PDE8B: variants seen among roughly 807,000 people sequenced by gnomAD.
PDE8B encodes high affinity cAMP-specific and IBMX-insensitive 3',5'-cyclic phosphodiesterase 8B.
In PDE8B, 26 loss-of-function variants were observed where a neutral mutation model predicts 101.3. That is an observed-to-expected ratio of 0.26 (90% CI 0.19 to 0.36). PDE8B has a LOEUF of 0.36. PDE8B is among the 10% of genes least tolerant of loss of function. PDE8B has a pLI of 1.00. For synonymous variants in PDE8B, 424 were observed against 429.3 expected (o/e 0.99, Z 0.15); for missense variants, 810 against 1,163.1 (o/e 0.70, Z 4.42).
chr5:77,095,006 T>C, the PDE8B span, among the ~76,000 whole-genome samples: 13 of 151,850 alleles, frequency 8.6e-5, no homozygotes, highest in Middle Eastern at 3.2e-3. Flanking sequence ...CTATATCAAT[T>C]AGAAAAAAAA....
intron 5 of PDE8B, among the ~76,000 whole-genome samples, chr5:77,333,293 T>G (rs138986776): frequency 1.3e-5 from 2 of 152,216 alleles, no homozygotes; most frequent in Non-Finnish European, 2.9e-5. Context: ...GTTTTTGGAA[T>G]GAAGAGTTGC....
At chr5:77,303,770 A>C (rs1215579101) in intron 1 of PDE8B, among the ~76,000 whole-genome samples, 1 of 152,176 alleles carries the variant, frequency 6.6e-6, no homozygotes, top group Non-Finnish European at 1.5e-5. Context: ...TGTAAACTTC[A>C]AGTGGTATCC....
chr5:77,190,245 A>G, the PDE8B span, among the ~76,000 whole-genome samples: 19 of 152,162 alleles, frequency 1.2e-4, no homozygotes, highest in African/African-American at 4.6e-4. Flanking sequence ...CCTTCCAGGG[A>G]GTTCTAAGGC....
chr5:77,097,707 C>CTATATATATATATATA, the PDE8B span, among the ~76,000 whole-genome samples: 13 of 20,858 alleles, frequency 6.2e-4, no homozygotes, highest in East Asian at 2.7e-3. Flanking sequence ...ATATATATAT[C>CTATATATATATATATA]TATATATATA....
chr5:77,414,222 G>C (rs1795084000), intron 17 of PDE8B, among the ~76,000 whole-genome samples: 1 of 152,140 alleles, frequency 6.6e-6, no homozygotes, highest in African/African-American at 2.4e-5. Flanking sequence ...TTTCTTCTCA[G>C]TTTTGCCAAC....
At chr5:77,354,646 T>C (rs945583312) in intron 10 of PDE8B, among the ~76,000 whole-genome samples, 14 of 152,160 alleles carry the variant, frequency 9.2e-5, no homozygotes, top group Non-Finnish European at 2.1e-4. Flanking sequence ...GGATCCACAG[T>C]AGAGGACACA....
At chr5:77,251,824 CT>C (rs1473670116) in intron 1 of PDE8B, among the ~76,000 whole-genome samples, 1 of 152,106 alleles carries the variant, frequency 6.6e-6, no homozygotes, top group African/African-American at 2.4e-5. Context: ...TTGATTATTA[CT>C]TTTTTCAGTT....
intron 20 of PDE8B, among the ~76,000 whole-genome samples, chr5:77,423,446 C>A (rs556478527): frequency 3.3e-5 from 5 of 152,116 alleles, no homozygotes; most frequent in Admixed American, 1.3e-4. Context: ...GAACTGCTTT[C>A]CACAGGGGCT....
At chr5:77,102,966 G>A in the PDE8B span, among the ~76,000 whole-genome samples, 89,499 of 152,072 alleles carry the variant, frequency 0.59, 26,515 homozygotes, top group East Asian at 0.72. Context: ...TCCATGTGAA[G>A]AGGAGTGGTG....
intron 1 of PDE8B, among the ~76,000 whole-genome samples, chr5:77,307,690 T>C (rs1771561075): frequency 6.6e-6 from 1 of 152,160 alleles, no homozygotes; most frequent in African/African-American, 2.4e-5. Flanking sequence ...CACACAAATA[T>C]TTGACACACT....
At chr5:77,164,565 A>G in the PDE8B span, among the ~76,000 whole-genome samples, 26 of 152,232 alleles carry the variant, frequency 1.7e-4, no homozygotes, top group African/African-American at 6.3e-4. Context: ...CTCTTCTCTC[A>G]CCTTATGGGA....
At chr5:77,253,866 T>C (rs1274793649) in intron 1 of PDE8B, among the ~76,000 whole-genome samples, 1 of 152,012 alleles carries the variant, frequency 6.6e-6, no homozygotes, top group Non-Finnish European at 1.5e-5. Context: ...TTCAATACAA[T>C]TGAAGACTGA....
the PDE8B span, among the ~76,000 whole-genome samples, chr5:77,200,672 A>G: frequency 7.2e-5 from 11 of 152,216 alleles, no homozygotes; most frequent in African/African-American, 2.4e-4. Context: ...AGTAAGTAGC[A>G]TTAACATCAC....
At chr5:77,112,938 A>G in the PDE8B span, 16 of 152,238 alleles carry the variant, frequency 1.1e-4, no homozygotes, top group Admixed American at 2.0e-4. Flanking sequence ...AGAATAAAAT[A>G]CCTAGGAATC....
chr5:77,248,618 A>G (rs1757446269), intron 1 of PDE8B, among the ~76,000 whole-genome samples: 3 of 152,208 alleles, frequency 2.0e-5, no homozygotes, highest in African/African-American at 7.2e-5. Flanking sequence ...CTAACAACAC[A>G]TCAGATGCAC....
intron 2 of PDE8B, among the ~76,000 whole-genome samples, chr5:77,320,866 A>G (rs1475280436): frequency 6.6e-6 from 1 of 152,236 alleles, no homozygotes. Context: ...GGCCATGTCA[A>G]AGAAATCAGA....
At chr5:77,349,607 C>CT (rs34713301) in intron 8 of PDE8B, 48 bp downstream of exon 8, 38 of 1,604,900 alleles carry the variant, frequency 2.4e-5, no homozygotes, top group Non-Finnish European at 3.0e-5. Flanking sequence ...CCCCAATGCA[C>CT]TTTTTTTTCT....
chr5:77,358,048 A>AT (rs1430914105), intron 10 of PDE8B, among the ~76,000 whole-genome samples: 1 of 151,902 alleles, frequency 6.6e-6, no homozygotes, highest in Non-Finnish European at 1.5e-5. Flanking sequence ...TGTTTCTCTC[A>AT]TCCCTTACCT....
the PDE8B span, among the ~76,000 whole-genome samples, chr5:77,191,983 C>G: frequency 1.3e-5 from 2 of 152,188 alleles, no homozygotes; most frequent in Non-Finnish European, 2.9e-5. Flanking sequence ...GTTGCATACG[C>G]AGTTCACAGT....
Sources: allele counts gnomAD v4.1 joint callset (sites outside exome capture counted in the v4.1 genomes callset), GRCh38; gene constraint gnomAD v4.1.1; transcripts MANE v1.5; gene names NCBI Gene and HGNC (gene_info 2026-07-23, HGNC 2026-07-21).